The following HHLA2 variants were observed in gnomAD, a reference collection of about 807,000 sequenced individuals.
HHLA2 encodes the protein HHLA2 member of B7 family, also known as HERV-H LTR-associating protein 2.
Under a neutral mutation model 45.9 loss-of-function variants are expected in HHLA2, and 48 were observed. That is an observed-to-expected ratio of 1.05 (90% CI 0.83 to 1.33). The LOEUF is 1.33. Ranked by LOEUF, HHLA2 falls within the 40% of genes most tolerant of loss-of-function variation. The pLI, the probability that HHLA2 is intolerant of heterozygous loss-of-function variation, is 0.00. For synonymous variants in HHLA2, 161 were observed against 173.9 expected (o/e 0.93, Z 0.59); for missense variants, 462 against 494.3 (o/e 0.93, Z 0.62).
At chr3:108,303,797 T>C (rs975586002) in intron 1 of HHLA2, among the ~76,000 whole-genome samples, 15 of 152,176 alleles carry the variant, frequency 9.9e-5, no homozygotes, top group African/African-American at 3.4e-4. Flanking sequence ...TCTGACATAG[T>C]AGGTACGTGA....
At chr3:108,375,915 T>C in intron 9 of HHLA2, 115 bp downstream of exon 8, 1 of 1,373,252 alleles carries the variant, frequency 7.3e-7, no homozygotes, top group South Asian at 1.4e-5. Context: ...ATATATTCCA[T>C]ACTTCTGCAG....
chr3:108,349,212 A>T lies in HHLA2; in HGVS notation c.-26-2576A>T, dbSNP rs143832883. On this transcript the variant is annotated intron_variant, in intron 3 of 10. Coordinates refer to ENST00000619531, the Ensembl canonical transcript of HHLA2. ...AATGAATCCAAGAGCTGTTTTTTTT[A>T]AAAAAAAAAATCAACAAAATAGATA... Among the ~76,000 whole-genome samples, 44 of 12,562 alleles carry T rather than the reference A, an allele frequency of 3.5e-3. 1 individual carries two copies. Among genetic ancestry groups the T allele is most frequent in the African/African-American group, 8.5e-3 (22 of 2,586 alleles). The allele number at this position is 12,562 out of a possible 152,430, so 8.2% of individuals were successfully genotyped here.
At chr3:108,328,342 C>T (rs764478306) in exon 3 of HHLA2, 4 of 1,529,856 alleles carry the variant, frequency 2.6e-6, no homozygotes, top group South Asian at 1.2e-5. Context: ...GAACGCACCT[C>T]CTCTGGTAAG....
chr3:108,356,327 G>C (rs1184874808), intron 6 of HHLA2, among the ~76,000 whole-genome samples: 2 of 152,106 alleles, frequency 1.3e-5, no homozygotes, highest in Non-Finnish European at 2.9e-5. Context: ...ACCGTGCCCA[G>C]CCTGTTTTTC....
At chr3:108,328,390 C>A (rs940407778) in intron 3 of HHLA2, 2 of 1,339,312 alleles carry the variant, frequency 1.5e-6, no homozygotes, top group Non-Finnish European at 2.0e-6. Flanking sequence ...ATTATCTGTG[C>A]AGCTATTTAT....
At chr3:108,339,096 A>C (rs914158796) in intron 3 of HHLA2, among the ~76,000 whole-genome samples, 1 of 152,188 alleles carries the variant, frequency 6.6e-6, no homozygotes, top group African/African-American at 2.4e-5. Flanking sequence ...AAAGCAGACA[A>C]ATGATTTTGG....
intron 3 of HHLA2, among the ~76,000 whole-genome samples, chr3:108,349,792 C>T (rs2081744116): frequency 6.6e-6 from 1 of 152,040 alleles, no homozygotes; most frequent in Non-Finnish European, 1.5e-5. Flanking sequence ...GAGGGAGTAG[C>T]CATAATCAGT....
At chr3:108,323,377 T>G (rs969656782) in intron 2 of HHLA2, among the ~76,000 whole-genome samples, 2 of 152,140 alleles carry the variant, frequency 1.3e-5, no homozygotes, top group African/African-American at 2.4e-5. Flanking sequence ...AAACTTCTCA[T>G]GTACCCCATA....
intron 2 of HHLA2, among the ~76,000 whole-genome samples, chr3:108,314,452 T>C (rs2081070200): frequency 6.6e-6 from 1 of 152,132 alleles, no homozygotes; most frequent in Non-Finnish European, 1.5e-5. Context: ...ATTCATTGCT[T>C]CCCAATTTTT....
At chr3:108,317,601 G>A (rs1299832099) in intron 2 of HHLA2, among the ~76,000 whole-genome samples, 1 of 148,254 alleles carries the variant, frequency 6.7e-6, no homozygotes, top group Non-Finnish European at 1.5e-5. Context: ...TTGAGATGGA[G>A]TCTCACTCTG....
intron 2 of HHLA2, among the ~76,000 whole-genome samples, chr3:108,314,275 A>G (rs1012713928): frequency 9.9e-5 from 15 of 151,540 alleles, no homozygotes; most frequent in African/African-American, 3.6e-4. Context: ...ACTGCATTCC[A>G]TATTCTTGTG....
Position 108,377,214 on chromosome 3 carries a change from G to A in HHLA2, c.1225-44G>A, listed in dbSNP as rs372303211. The A allele has an allele frequency of 1.2e-4, 166 of 1,330,580 alleles. No individual in the cohort carries two copies. The African/African-American group carries it at 2.3e-3, about 19-fold the overall frequency. The allele number at this position is 1,330,580 out of a possible 1,614,324, so 82.4% of individuals were successfully genotyped here. On this transcript the variant is annotated intron_variant, in intron 10 of 10. Coordinates refer to ENST00000619531, the Ensembl canonical transcript of HHLA2. ...TATTTAAGATATAAATGGTTATTCT[G>A]ACTTGAACAACAGACATTTAGAGTC...
At chr3:108,373,894 C>G (rs1362819510) in intron 8 of HHLA2, among the ~76,000 whole-genome samples, 4 of 149,430 alleles carry the variant, frequency 2.7e-5, no homozygotes, top group Non-Finnish European at 6.0e-5. Context: ...GTGAAAATGG[C>G]CATACTGCCC....
chr3:108,355,031 G>C (rs2081858346), intron 5 of HHLA2, 84 bp from the exon 5 acceptor site: 1 of 1,380,182 alleles, frequency 7.2e-7, no homozygotes, highest in African/African-American at 1.5e-5. Context: ...TCATTTCATG[G>C]ATATTAAAAA....
intron 2 of HHLA2, chr3:108,325,953 G>T: frequency 2.7e-6 from 1 of 370,966 alleles, no homozygotes; most frequent in Non-Finnish European, 5.2e-6. Context: ...TTCACAGGAT[G>T]GTATTTCTGA....
chr3:108,325,511 CCTT>C (rs2081271937), intron 2 of HHLA2: 1 of 315,144 alleles, frequency 3.2e-6, no homozygotes, highest in Middle Eastern at 1.1e-3. Context: ...GTAATTAAAA[CCTT>C]CTGCTACTAT....
At chr3:108,363,240 A>G (rs891083614) in intron 8 of HHLA2, among the ~76,000 whole-genome samples, 1 of 152,202 alleles carries the variant, frequency 6.6e-6, no homozygotes. Context: ...CACATTTTAC[A>G]GATCAGGAAA....
intron 2 of HHLA2, among the ~76,000 whole-genome samples, chr3:108,313,280 G>A (rs1227788163): frequency 1.3e-5 from 2 of 152,144 alleles, no homozygotes; most frequent in Admixed American, 6.5e-5. Flanking sequence ...TTGTACCAAC[G>A]AGCAGGATTG....
At chr3:108,367,421 G>C (rs935999131) in intron 8 of HHLA2, among the ~76,000 whole-genome samples, 2 of 151,986 alleles carry the variant, frequency 1.3e-5, no homozygotes, top group Non-Finnish European at 2.9e-5. Context: ...AGCTAAAGGA[G>C]CATGTTCTAA....
Sources: gnomAD v4.1 joint callset for allele counts (sites outside exome capture counted in the v4.1 genomes callset) on GRCh38, gnomAD v4.1.1 for gene constraint, MANE v1.5 for transcripts, NCBI Gene and HGNC (gene_info 2026-07-23, HGNC 2026-07-21) for gene names.